FSTL5: variants seen among roughly 807,000 people sequenced by gnomAD.
FSTL5 encodes the protein follistatin-related protein 5.
A neutral mutation model predicts 89.1 loss-of-function variants in FSTL5; 62 were observed. That is an observed-to-expected ratio of 0.70 (90% CI 0.57 to 0.86). The LOEUF (loss-of-function observed/expected upper bound fraction) is 0.86, where lower values mean the gene tolerates loss of function less well. FSTL5 is among the 40% of genes least tolerant of loss of function. FSTL5 has a pLI of 0.00. For synonymous variants in FSTL5, 383 were observed against 346.2 expected, an observed-to-expected ratio of 1.11 and a Z score of -1.18; for missense variants, 1,057 against 1,001.6, an observed-to-expected ratio of 1.06 and a Z score of -0.75.
rs78275652 is a variant in FSTL5 at position 161,948,781 on chromosome 4, C to T, written c.161-28129G>A. ...AGAATTTAATTACTGAATTTGTATTCATGTATAATGTATTTATTCTTTAAA... is the reference window on the plus strand; with the variant it reads ...AGAATTTAATTACTGAATTTGTATTTATGTATAATGTATTTATTCTTTAAA... On this transcript the variant is annotated intron_variant, in intron 3 of 15. Coordinates refer to ENST00000306100, the MANE Select transcript of FSTL5 (RefSeq NM_020116.5). Among the ~76,000 whole-genome samples the T allele has an allele frequency of 2.0e-3, 303 of 151,872 alleles. 1 individual carries two copies. Among genetic ancestry groups the T allele is most frequent in the South Asian group, 0.017 (83 of 4,818 alleles).
chr4:162,042,679 C>T (rs1168342126), intron 2 of FSTL5, among the ~76,000 whole-genome samples: 2 of 151,928 alleles, frequency 1.3e-5, no homozygotes, highest in Non-Finnish European at 2.9e-5. Context: ...TATAGGCACT[C>T]CTCTCCATAA....
chr4:161,862,105 GTATT>G (rs1453211302), intron 4 of FSTL5, among the ~76,000 whole-genome samples: 3 of 152,114 alleles, frequency 2.0e-5, no homozygotes, highest in Non-Finnish European at 4.4e-5. Flanking sequence ...TTAAAACTCT[GTATT>G]TATAGATAAA....
intron 4 of FSTL5, among the ~76,000 whole-genome samples, chr4:161,784,417 C>G (rs1741807254): frequency 6.6e-6 from 1 of 151,512 alleles, no homozygotes; most frequent in Admixed American, 6.6e-5. Context: ...AAAAAAATAA[C>G]CAGATTACAA....
At chr4:161,945,953 T>C (rs778789527) in intron 3 of FSTL5, among the ~76,000 whole-genome samples, 5 of 152,160 alleles carry the variant, frequency 3.3e-5, no homozygotes, top group Non-Finnish European at 5.9e-5. Flanking sequence ...TTTCTTATTA[T>C]AATTATAATT....
At chr4:161,436,215 A>G (rs1308685799) in intron 15 of FSTL5, among the ~76,000 whole-genome samples, 3 of 152,162 alleles carry the variant, frequency 2.0e-5, no homozygotes, top group Admixed American at 6.5e-5. Context: ...CTAAGCCTTC[A>G]AGTCCCCGTA....
intron 2 of FSTL5, among the ~76,000 whole-genome samples, chr4:162,098,173 A>G (rs1730839802): frequency 6.6e-6 from 1 of 152,064 alleles, no homozygotes; most frequent in Admixed American, 6.6e-5. Flanking sequence ...AAAATAGCAT[A>G]GATGAATCTC....
At chr4:161,474,379 T>G (rs1734050969) in intron 13 of FSTL5, among the ~76,000 whole-genome samples, 1 of 152,172 alleles carries the variant, frequency 6.6e-6, no homozygotes, top group Non-Finnish European at 1.5e-5. Context: ...ACAATAATAA[T>G]AACTTTTAGA....
intron 3 of FSTL5, among the ~76,000 whole-genome samples, chr4:161,984,207 T>C (rs1440892553): frequency 6.6e-6 from 1 of 152,062 alleles, no homozygotes. Flanking sequence ...TACTTTTTTA[T>C]TTCCATTATC....
At chr4:161,647,934 C>T (rs938681189) in intron 7 of FSTL5, among the ~76,000 whole-genome samples, 1 of 152,116 alleles carries the variant, frequency 6.6e-6, no homozygotes, top group South Asian at 2.1e-4. Context: ...AACACACTGA[C>T]AGGCACCAGC....
chr4:161,731,633 C>T (rs1241227844), intron 6 of FSTL5, among the ~76,000 whole-genome samples: 5 of 151,878 alleles, frequency 3.3e-5, no homozygotes, highest in African/African-American at 4.8e-5. Flanking sequence ...TCATAAATGA[C>T]CCAGTCTCAG....
At chr4:161,456,112 C>A (rs1257442377) in intron 14 of FSTL5, among the ~76,000 whole-genome samples, 2 of 152,068 alleles carry the variant, frequency 1.3e-5, no homozygotes, top group African/African-American at 4.8e-5. Flanking sequence ...ACTTCCTGAA[C>A]AATAGCAAAA....
At chr4:161,644,129 C>T (rs1736059090) in intron 7 of FSTL5, among the ~76,000 whole-genome samples, 1 of 151,452 alleles carries the variant, frequency 6.6e-6, no homozygotes, top group Admixed American at 6.6e-5. Flanking sequence ...TAAGTTCAGG[C>T]ACAAGAGGCG....
At chr4:161,771,344 G>T (rs1409372035) in intron 5 of FSTL5, among the ~76,000 whole-genome samples, 1 of 151,978 alleles carries the variant, frequency 6.6e-6, no homozygotes, top group East Asian at 1.9e-4. Flanking sequence ...CAATAAGCTT[G>T]CATGTTCTAA....
In FSTL5 at chr4:161,457,066, C is replaced by T. The variant is rs1213736717; in HGVS notation, c.1717-1938G>A. Among the ~76,000 whole-genome samples, 12 of 152,194 alleles carry T rather than the reference C, an allele frequency of 7.9e-5. No homozygotes were observed. In the South Asian group the frequency reaches 1.9e-3, roughly 24 times the overall value. ...GGTAGCATTAGGCTCTCCACGTGAC[C>T]CAAAGTTGATTATGGCTGAGGCATA... On this transcript the variant is annotated intron_variant, in intron 14 of 15. Coordinates refer to ENST00000306100, the MANE Select transcript of FSTL5 (RefSeq NM_020116.5).
chr4:162,075,051 T>C (rs546302212), intron 2 of FSTL5, among the ~76,000 whole-genome samples: 88 of 151,892 alleles, frequency 5.8e-4, no homozygotes, highest in Admixed American at 2.4e-3. Context: ...AGGGTAGTTT[T>C]AAATATGCAG....
chr4:161,908,317 G>A (rs1000819144), intron 4 of FSTL5, among the ~76,000 whole-genome samples: 4 of 151,730 alleles, frequency 2.6e-5, no homozygotes, highest in Non-Finnish European at 5.9e-5. Flanking sequence ...AATCATATTT[G>A]TTCATACATA....
chr4:162,108,445 C>G (rs934993004), intron 2 of FSTL5, among the ~76,000 whole-genome samples: 2 of 151,896 alleles, frequency 1.3e-5, no homozygotes, highest in Non-Finnish European at 2.9e-5. Context: ...ATTCAAAGTA[C>G]TTACATTCTT....
In FSTL5 at chr4:161,385,823, C is replaced by T; in HGVS notation, c.2468G>A (p.Gly823Glu). The T allele has an allele frequency of 1.2e-6, 2 of 1,613,250 alleles. No individual in the cohort carries two copies. Among genetic ancestry groups the T allele is most frequent in the Non-Finnish European group, 1.7e-6 (2 of 1,179,706 alleles). Residue 823 changes from glycine (G) to glutamate (E), a missense_variant, in exon 16 of 16, where the codon GGA becomes GAA. Coordinates refer to ENST00000306100, the MANE Select transcript of FSTL5 (RefSeq NM_020116.5). ...PSKDSLFILD[G>E]RLNKLNCEIT... ...CTCACAGTTTAATTTATTGAGTCGT[C>T]CATCTAGGATGAAGAGAGAGTCCTT... is the stretch of plus-strand genomic sequence containing the variant.
chr4:161,831,751 G>C (rs533554081), intron 4 of FSTL5, among the ~76,000 whole-genome samples: 3 of 151,766 alleles, frequency 2.0e-5, no homozygotes, highest in South Asian at 4.2e-4. Context: ...AACTTCTGTT[G>C]TATTTGTAAT....
Sources: allele counts gnomAD v4.1 joint callset (sites outside exome capture counted in the v4.1 genomes callset), GRCh38; gene constraint gnomAD v4.1.1; transcripts MANE v1.5; gene names NCBI Gene and HGNC (gene_info 2026-07-23, HGNC 2026-07-21).